The following PPFIBP2 variants were observed in gnomAD, a reference collection of about 807,000 sequenced individuals.
The protein encoded by PPFIBP2 is PPFIB scaffold protein 2.
Under a neutral mutation model 118.3 loss-of-function variants are expected in PPFIBP2, and 118 were observed. The observed-to-expected ratio is 1.00, with a 90% confidence interval of 0.86 to 1.16. PPFIBP2 has a LOEUF of 1.16. Among genes scored for constraint, PPFIBP2 ranks in the 50% most tolerant of loss-of-function variants. The probability of loss-of-function intolerance (pLI) is 0.00; values close to 1 mark genes in which losing one functional copy is unlikely to be tolerated. For missense variants in PPFIBP2, 1,195 were observed against 1,073.1 expected (o/e 1.11, Z -1.59); for synonymous variants, 414 against 397.4 (o/e 1.04, Z -0.50).
intron 8 of PPFIBP2, 59 bp downstream of exon 8, chr11:7,625,950 A>C (rs779445104): frequency 3.6e-5 from 49 of 1,369,370 alleles, no homozygotes; most frequent in Non-Finnish European, 4.5e-5. Context: ...TACTCTTATA[A>C]GTGAGCATGT....
chr11:7,636,096 T>C (rs773204320), intron 14 of PPFIBP2, among the ~76,000 whole-genome samples: 38 of 152,160 alleles, frequency 2.5e-4, no homozygotes, highest in Admixed American at 5.2e-4. Context: ...GTTGAGCCCA[T>C]AAAGAAATGA....
intron 5 of PPFIBP2, among the ~76,000 whole-genome samples, chr11:7,609,934 C>T (rs967295643): frequency 6.6e-6 from 1 of 152,022 alleles, no homozygotes; most frequent in African/African-American, 2.4e-5. Flanking sequence ...TTAACTTAAG[C>T]GAGGACCTAC....
chr11:7,628,511 C>A (rs888798686), intron 9 of PPFIBP2, among the ~76,000 whole-genome samples, 165 bp downstream of exon 9: 10 of 152,180 alleles, frequency 6.6e-5, no homozygotes, highest in Admixed American at 6.5e-4. Context: ...TGGCCTCAGC[C>A]ACCTGTTTTT....
chr11:7,597,136 T>C, intron 4 of PPFIBP2: 2 of 1,429,736 alleles, frequency 1.4e-6, no homozygotes, highest in Non-Finnish European at 1.8e-6. Flanking sequence ...ATGAGAGAGG[T>C]AAGGTCATTG....
At chr11:7,595,035 T>C (rs1478756406) in intron 4 of PPFIBP2, among the ~76,000 whole-genome samples, 4 of 151,962 alleles carry the variant, frequency 2.6e-5, no homozygotes, top group Admixed American at 6.6e-5. Context: ...GAGGATTGTG[T>C]AGTAAAAGGA....
chr11:7,550,876 C>G (rs774651993), intron 2 of PPFIBP2, among the ~76,000 whole-genome samples: 16 of 152,188 alleles, frequency 1.1e-4, no homozygotes, highest in Non-Finnish European at 2.4e-4. Context: ...CTACATCCTT[C>G]TCCCGTGCTG....
the PPFIBP2 span, chr11:7,666,120 G>T: frequency 1.6e-6 from 1 of 616,618 alleles, no homozygotes; most frequent in African/African-American, 1.8e-5. Context: ...GTGGTGAAGG[G>T]GTCAGTGCCC....
chr11:7,610,498 A>C, intron 6 of PPFIBP2, 76 bp downstream of exon 6: 2 of 1,570,726 alleles, frequency 1.3e-6, no homozygotes, highest in Non-Finnish European at 1.7e-6. Context: ...CATCTGGTCA[A>C]CTCCCAGCCT....
chr11:7,643,441 A>G (rs568174081), intron 17 of PPFIBP2, among the ~76,000 whole-genome samples: 22 of 152,306 alleles, frequency 1.4e-4, no homozygotes, highest in Admixed American at 5.9e-4. Context: ...ACTTTAGGGT[A>G]TGGGGTGACC....
intron 7 of PPFIBP2, among the ~76,000 whole-genome samples, chr11:7,625,056 G>C (rs1435316246): frequency 2.0e-5 from 3 of 152,212 alleles, no homozygotes; most frequent in Non-Finnish European, 4.4e-5. Context: ...GGCGACATGG[G>C]AACCATCTAG....
intron 3 of PPFIBP2, among the ~76,000 whole-genome samples, chr11:7,578,918 G>C (rs1441443302): frequency 6.6e-6 from 1 of 152,164 alleles, no homozygotes; most frequent in Non-Finnish European, 1.5e-5. Context: ...GCTGAGCACA[G>C]TGATGGCAGA....
rs1848732565 is a variant in PPFIBP2 at position 7,616,999 on chromosome 11, C to T, written c.619-3936C>T. ...GCCGTCGACAGTGACCACTGAGTGCCACCTGCTCCCTGCCCCATGCACACT... is the reference window on the plus strand; with the variant it reads ...GCCGTCGACAGTGACCACTGAGTGCTACCTGCTCCCTGCCCCATGCACACT... On this transcript the variant is annotated intron_variant, in intron 6 of 23. Transcript: ENST00000299492. This position sits in a 1 kb window ranked among gnomAD's most constrained non-coding sequence, Gnocchi z 5.2. The T allele has an allele frequency of 4.6e-6, 2 of 435,930 alleles. No individual in the cohort carries two copies. Among genetic ancestry groups the T allele is most frequent in the Non-Finnish European group, 6.1e-6 (2 of 327,816 alleles). The allele number at this position is 435,930 out of a possible 1,614,324, so 27.0% of individuals were successfully genotyped here. A position where few individuals can be genotyped will look rare whatever the true frequency, so the allele number is the denominator to read the frequency against.
At chr11:7,580,360 C>A (rs1857089730) in intron 3 of PPFIBP2, among the ~76,000 whole-genome samples, 1 of 152,208 alleles carries the variant, frequency 6.6e-6, no homozygotes, top group Non-Finnish European at 1.5e-5. Context: ...GAGCTGGTTT[C>A]TCTGAACTCA....
chr11:7,614,180 C>T (rs1257633821), intron 6 of PPFIBP2, among the ~76,000 whole-genome samples: 1 of 152,150 alleles, frequency 6.6e-6, no homozygotes, highest in East Asian at 1.9e-4. Flanking sequence ...AGGAAATATA[C>T]TCCCACAATT....
At position 7,648,395 on chromosome 11, in the gene PPFIBP2, A is replaced by G. The variant is rs1353672105; in HGVS notation, c.1655A>G (p.Asn552Ser). 4.3e-6 allele frequency: 7 copies of G among 1,611,650 alleles called. No individual in the cohort carries two copies. Among genetic ancestry groups the G allele is most frequent in the South Asian group, 2.2e-5 (2 of 90,992 alleles). ...GTTTTCCTGCTTCCCAGTGACGCCA[A>G]TGCCCCCTTTGCCCAGTGGAGCACA... Reference protein sequence around the residue: ...RDSKGQKSDANAPFAQWSTER... With the variant: ...RDSKGQKSDASAPFAQWSTER... Residue 552 changes from asparagine (N) to serine (S), a missense_variant, in exon 18 of 24, where the codon AAT (asparagine) becomes AGT (serine). Transcript: ENST00000299492.
intron 16 of PPFIBP2, 58 bp from the exon 17 acceptor site, chr11:7,642,240 G>A: frequency 6.3e-7 from 1 of 1,595,342 alleles, no homozygotes; most frequent in Non-Finnish European, 8.6e-7. Flanking sequence ...AGGAAGCACA[G>A]TGACTGTAGG....
At chr11:7,577,326 T>TGTGC (rs1554958758) in intron 3 of PPFIBP2, 9 of 283,990 alleles carry the variant, frequency 3.2e-5, no homozygotes, top group South Asian at 1.1e-4. Flanking sequence ...TGTGCGTGTG[T>TGTGC]GTGTGTGTGT....
chr11:7,525,960 T>G (rs1045724682), intron 1 of PPFIBP2, among the ~76,000 whole-genome samples: 1 of 152,160 alleles, frequency 6.6e-6, no homozygotes, highest in African/African-American at 2.4e-5. Flanking sequence ...TGTTCTTTGT[T>G]GCTCAGAGGG....
At chr11:7,620,853 T>A in intron 6 of PPFIBP2, 82 bp from the exon 7 acceptor site, 3 of 952,888 alleles carry the variant, frequency 3.1e-6, no homozygotes, top group Non-Finnish European at 3.4e-6. Context: ...CTGCACCCCA[T>A]ATGCATGAGC....
Sources: gnomAD v4.1 joint callset for allele counts (sites outside exome capture counted in the v4.1 genomes callset) on GRCh38, gnomAD v4.1.1 for gene constraint, Gnocchi (gnomAD v3.1) non-coding constraint, MANE v1.5 for transcripts, NCBI Gene and HGNC (gene_info 2026-07-23, HGNC 2026-07-21) for gene names.